The following ATRIP variants were observed in gnomAD, a reference collection of about 807,000 sequenced individuals.
ATRIP encodes the protein ATR interacting protein, also known as ATR-interacting protein.
Under a neutral mutation model 78.1 loss-of-function variants are expected in ATRIP, and 44 were observed. That is an observed-to-expected ratio of 0.56 (90% CI 0.44 to 0.72). The LOEUF (loss-of-function observed/expected upper bound fraction) is 0.72, where lower values mean the gene tolerates loss of function less well. Among genes scored for constraint, ATRIP ranks in the 30% least tolerant of loss-of-function variants. The probability of loss-of-function intolerance (pLI) is 0.00; values close to 1 mark genes in which losing one functional copy is unlikely to be tolerated. For synonymous variants in ATRIP, 388 were observed against 408.9 expected (o/e 0.95, Z 0.62); for missense variants, 927 against 980.2 (o/e 0.95, Z 0.72).
rs374974756 is a variant in ATRIP, at chr3:48,460,249, G to C, written c.1195G>C (p.Asp399His). Residue 399 changes from aspartate (D) to histidine (H), a missense_variant, in exon 8 of 13, where the codon GAC becomes CAC. By Grantham distance (81) the Asp-to-His change is moderately conservative (BLOSUM62 -1). Transcript: ENST00000320211. Reference sequence around the variant, plus strand: ...CCGGAATGAGTGCTCACGTGATGGAGACCCAGCAGAGGGAGGCAGAAGGGC... The same window carrying C: ...CCGGAATGAGTGCTCACGTGATGGACACCCAGCAGAGGGAGGCAGAAGGGC... ...VARNECSRDG[D>H]PAEGGRRAFP... 2 of 1,614,126 alleles carry C rather than the reference G, an allele frequency of 1.2e-6. No individual in the cohort carries two copies. Among genetic ancestry groups the C allele is most frequent in the Non-Finnish European group, 1.7e-6 (2 of 1,180,030 alleles).
At chr3:48,462,610 G>A (rs1001645734) in intron 8 of ATRIP, among the ~76,000 whole-genome samples, 2 of 151,678 alleles carry the variant, frequency 1.3e-5, no homozygotes, top group East Asian at 2.0e-4. Flanking sequence ...GGCTGAGGCA[G>A]GAGAATCGCT....
Position 48,466,586 on chromosome 3 carries a change from C to G in ATRIP, c.*1032C>G, listed in dbSNP as rs1186671505. On this transcript the variant is annotated 3_prime_UTR_variant, in exon 13 of 13. Transcript: ENST00000320211. ...CTACCCCACTCCCTCCCCTTCGGAT[C>G]TTAACACTGGGCACTCACACACCCA... The G allele has an allele frequency of 1.2e-6, 2 of 1,613,910 alleles. No individual in the cohort carries two copies. Among genetic ancestry groups the G allele is most frequent in the South Asian group, 1.1e-5 (1 of 91,074 alleles).
Position 48,446,926 on chromosome 3 carries a change from G to A in ATRIP, c.81G>A (p.Gly27=). The change falls in exon 1 of 13, where the codon GGG becomes GGA. Residue 27 remains glycine (G), a synonymous_variant. Transcript: ENST00000320211. ...GCCCCGGCCCGCCGCCGGGCACCGGGCACCCCCCGAGCAAGCGGGCCCGGG... is the reference window on the plus strand; with the variant it reads ...GCCCCGGCCCGCCGCCGGGCACCGGACACCCCCCGAGCAAGCGGGCCCGGG... ...APRPGPPPGT[G]HPPSKRARGF... 1 of 1,426,798 alleles carries A rather than the reference G, an allele frequency of 7.0e-7. No homozygotes were observed. The highest frequency in any genetic ancestry group is 1.6e-5 in the South Asian group (1 of 63,600). 88.4% of individuals were successfully genotyped at this position (1,426,798 alleles called of 1,614,324 possible). A position where few individuals can be genotyped will look rare whatever the true frequency, so the allele number is the denominator to read the frequency against.
chr3:48,464,141 T>A lies in ATRIP; in HGVS notation c.1974+9T>A. ...TCCAGCTGGAACAAGAGGTAAAAAC[T>A]CCAGAGCCCCTTCTGGACACTGTCC... On this transcript the variant is annotated intron_variant, in intron 10 of 12. Transcript: ENST00000320211. 3 of 1,606,084 alleles carry A rather than the reference T, an allele frequency of 1.9e-6. No individual in the cohort carries two copies. The highest frequency in any genetic ancestry group is 2.6e-6 in the Non-Finnish European group (3 of 1,173,014).
In ATRIP at chr3:48,464,628, C is replaced by A; in HGVS notation, c.2021C>A (p.Pro674Gln). ...CTTGGTGTGCAGAGCCCCTTGCCCC[C>A]AGTCACTGGCTCCAACTGCCAGTGT... ...AKLGVQSPLPPVTGSNCQCNV... is the reference protein window; with the variant it reads ...AKLGVQSPLPQVTGSNCQCNV... Residue 674 changes from proline (P) to glutamine (Q), a missense_variant, in exon 11 of 13, where the codon CCA becomes CAA. Transcript: ENST00000320211. 1 of 1,614,176 alleles carries A rather than the reference C, an allele frequency of 6.2e-7. No individual in the cohort carries two copies. The highest frequency in any genetic ancestry group is 8.5e-7 in the Non-Finnish European group (1 of 1,180,024).
Position 48,466,800 on chromosome 3 carries a change from A to C in ATRIP, c.*1246A>C. 1.2e-6 allele frequency: 2 copies of C among 1,612,692 alleles called. No individual in the cohort carries two copies. The highest frequency in any genetic ancestry group is 1.1e-5 in the South Asian group (1 of 91,030). ...CAGATGTGCCCTGGAGAGCCCCCCC[A>C]CCTCTCAGGGGCCACCTCCCACAGT... is the stretch of plus-strand genomic sequence containing the variant. On this transcript the variant is annotated 3_prime_UTR_variant, in exon 13 of 13. Coordinates refer to ENST00000320211, the MANE Select transcript of ATRIP (RefSeq NM_130384.3).
At chr3:48,460,883 C>G (rs2040087293) in intron 8 of ATRIP, 84 bp downstream of exon 8, 4 of 1,309,752 alleles carry the variant, frequency 3.1e-6, no homozygotes, top group Non-Finnish European at 4.2e-6. Flanking sequence ...GTACTTTGCT[C>G]ACATCTTGAC....
At chr3:48,459,218 CT>C in intron 5 of ATRIP, 140 bp from the exon 6 acceptor site, 1 of 634,942 alleles carries the variant, frequency 1.6e-6, no homozygotes, top group Non-Finnish European at 2.8e-6. Flanking sequence ...AGATGCAGGG[CT>C]CTTGAGCCGC....
At chr3:48,451,680 AG>A (rs1314692786) in intron 2 of ATRIP, 48 bp from the exon 3 acceptor site, 3 of 1,496,060 alleles carry the variant, frequency 2.0e-6, no homozygotes, top group Middle Eastern at 1.8e-4. Flanking sequence ...AAAGTACCTA[AG>A]TAGTTTTCTC....
At chr3:48,447,162 G>A (rs770535111) in intron 1 of ATRIP, 70 bp downstream of exon 1, 2 of 1,375,234 alleles carry the variant, frequency 1.5e-6, no homozygotes, top group Admixed American at 3.1e-5. Context: ...GATGGCTGTG[G>A]CTTCGGAACC....
chr3:48,464,173 C>T (rs756411438), intron 10 of ATRIP, 41 bp downstream of exon 10: 2 of 1,489,924 alleles, frequency 1.3e-6, no homozygotes, highest in Non-Finnish European at 9.4e-7. Context: ...GTCCCCACCC[C>T]ATCCTAAGAA....
chr3:48,456,915 G>A (rs1170441451), intron 4 of ATRIP, among the ~76,000 whole-genome samples: 1 of 152,032 alleles, frequency 6.6e-6, no homozygotes, highest in Non-Finnish European at 1.5e-5. Context: ...CAAAATCCCT[G>A]GAATTAGCCA....
Position 48,466,182 on chromosome 3 carries a change from G to GTCAC in ATRIP, c.*628_*629insTCAC. 10 of 521,822 alleles carry GTCAC rather than the reference G, an allele frequency of 1.9e-5. No individual in the cohort carries two copies. In the South Asian group the frequency reaches 2.0e-4, roughly 10 times the overall value. 32.3% of individuals were successfully genotyped at this position (521,822 alleles called of 1,614,324 possible). ...ACAGACCAGGCAGGCTGACGAGCAG[G>GTCAC]GCGGGCCTGGCTCACGTGGGCCTGT... On this transcript the variant is annotated 3_prime_UTR_variant, in exon 13 of 13. Coordinates refer to ENST00000320211, the MANE Select transcript of ATRIP (RefSeq NM_130384.3).
Position 48,466,651 on chromosome 3 carries a change from C to CA in ATRIP, c.*1099dup, listed in dbSNP as rs1375152644. The CA allele has an allele frequency of 6.2e-7, 1 of 1,613,954 alleles. No homozygotes were observed. Among genetic ancestry groups the CA allele is most frequent in the Non-Finnish European group, 8.5e-7 (1 of 1,180,000 alleles). On this transcript the variant is annotated 3_prime_UTR_variant, in exon 13 of 13. Coordinates refer to ENST00000320211, the MANE Select transcript of ATRIP (RefSeq NM_130384.3). The stretch of plus-strand genomic sequence containing the variant: ...CCAGGCTCAGCAGCAGGTACGTACC[C>CA]AACCATGGGCTCGCAGGCCCTGCCC...
chr3:48,460,706 CAGCAACAGGTCACCTTCA>C lies in ATRIP; in HGVS notation c.1656_1673del (p.Thr553_Ala558del). On this transcript the variant is annotated inframe_deletion, in exon 8 of 13. Transcript: ENST00000320211. ...CTTCACCTGTTGGCTTTCTCTTCTG[CAGCAACAGGTCACCTTCA>C]AGCCAGTGTCCTGACCCAGTGCCTT... 6.2e-7 allele frequency: 1 copy of C among 1,614,058 alleles called. No individual in the cohort carries two copies. Among genetic ancestry groups the C allele is most frequent in the Non-Finnish European group, 8.5e-7 (1 of 1,179,880 alleles).
chr3:48,446,752 A>T lies in ATRIP; in HGVS notation c.-94A>T. ...GGGGCGGGGCACTCGCGGCGGAGGC[A>T]AGCGGCGGCGCGCGGACGGTTGGTC... On this transcript the variant is annotated 5_prime_UTR_variant, in exon 1 of 13. Coordinates refer to ENST00000320211, the MANE Select transcript of ATRIP (RefSeq NM_130384.3). The T allele has an allele frequency of 3.0e-6, 4 of 1,314,568 alleles. No individual in the cohort carries two copies. Among genetic ancestry groups the T allele is most frequent in the Non-Finnish European group, 3.9e-6 (4 of 1,028,816 alleles). 81.4% of individuals were successfully genotyped at this position (1,314,568 alleles called of 1,614,324 possible). A position where few individuals can be genotyped will look rare whatever the true frequency, so the allele number is the denominator to read the frequency against.
rs993623433 is a variant in ATRIP, at chr3:48,446,915, C to A, written c.70C>A (p.Pro24Thr). The A allele has an allele frequency of 2.1e-6, 3 of 1,398,294 alleles. No homozygotes were observed. The highest frequency in any genetic ancestry group is 2.8e-6 in the Non-Finnish European group (3 of 1,077,882). The allele number at this position is 1,398,294 out of a possible 1,614,324, so 86.6% of individuals were successfully genotyped here. ...CCCGGCGCCTCGCCCCGGCCCGCCG[C>A]CGGGCACCGGGCACCCCCCGAGCAA... ...EPPAPRPGPP[P>T]GTGHPPSKRA... The change falls in exon 1 of 13, where the codon CCG becomes ACG. Residue 24 changes from proline to threonine, a missense_variant. Coordinates refer to ENST00000320211, the MANE Select transcript of ATRIP (RefSeq NM_130384.3).
In ATRIP at chr3:48,466,932, G is replaced by C. The variant is rs2040338083; in HGVS notation, c.*1378G>C. The C allele has an allele frequency of 6.2e-7, 1 of 1,611,290 alleles. No individual in the cohort carries two copies. The highest frequency in any genetic ancestry group is 1.3e-5 in the African/African-American group (1 of 74,938). ...CACAGGTCTGAGCACAGCTGTGCTG[G>C]CAGCGCATGGGCGTCAATGTTTTGA... On this transcript the variant is annotated 3_prime_UTR_variant, in exon 13 of 13. Coordinates refer to ENST00000320211, the MANE Select transcript of ATRIP (RefSeq NM_130384.3).
chr3:48,460,711 A>G lies in ATRIP; in HGVS notation c.1657A>G (p.Thr553Ala), dbSNP rs544201489. 3.1e-6 allele frequency: 5 copies of G among 1,614,036 alleles called. No homozygotes were observed. Among genetic ancestry groups the G allele is most frequent in the Non-Finnish European group, 2.5e-6 (3 of 1,179,896 alleles). The change falls in exon 8 of 13, where the codon ACA becomes GCA. Residue 553 changes from threonine to alanine, a missense_variant. Coordinates refer to ENST00000320211, the MANE Select transcript of ATRIP (RefSeq NM_130384.3). ...LHLLAFSSAA[T>A]GHLQASVLTQ... is the part of the protein sequence containing the mutation. The stretch of plus-strand genomic sequence containing the variant: ...CCTGTTGGCTTTCTCTTCTGCAGCA[A>G]CAGGTCACCTTCAAGCCAGTGTCCT...
Sources: allele counts gnomAD v4.1 joint callset (sites outside exome capture counted in the v4.1 genomes callset), GRCh38; gene constraint gnomAD v4.1.1; transcripts MANE v1.5; gene names NCBI Gene and HGNC (gene_info 2026-07-23, HGNC 2026-07-21).